ADGRL2: variants seen among roughly 807,000 people sequenced by gnomAD.
ADGRL2 encodes adhesion G protein-coupled receptor L2.
ADGRL2 carries 44 observed loss-of-function variants against 157.4 expected under a neutral mutation model. That is an observed-to-expected ratio of 0.28 (90% CI 0.22 to 0.36). The LOEUF (loss-of-function observed/expected upper bound fraction) is 0.36, where lower values mean the gene tolerates loss of function less well. ADGRL2 is among the 10% of genes least tolerant of loss of function. The pLI is 1.00. For synonymous variants in ADGRL2, 585 were observed against 624.7 expected (o/e 0.94, Z 0.95); for missense variants, 1,510 against 1,768.9 (o/e 0.85, Z 2.63).
intron 2 of ADGRL2, among the ~76,000 whole-genome samples, chr1:81,880,411 A>T (rs1005328894): frequency 6.6e-6 from 1 of 152,156 alleles, no homozygotes; most frequent in Non-Finnish European, 1.5e-5. Context: ...TAAGATATTG[A>T]TGCAGGTTAT....
chr1:81,544,121 C>G (rs2079956160), intron 2 of ADGRL2, among the ~76,000 whole-genome samples: 1 of 152,102 alleles, frequency 6.6e-6, no homozygotes. Flanking sequence ...CCACTTTTCC[C>G]TGGATCCACT....
intron 2 of ADGRL2, among the ~76,000 whole-genome samples, chr1:81,779,428 T>TA (rs1178260874): frequency 3.9e-5 from 6 of 151,966 alleles, no homozygotes; most frequent in Non-Finnish European, 8.8e-5. Flanking sequence ...GTCTTCAACT[T>TA]AAAAAAAATG....
chr1:81,780,440 G>A (rs1331703563), intron 2 of ADGRL2, among the ~76,000 whole-genome samples: 1 of 152,050 alleles, frequency 6.6e-6, no homozygotes, highest in Non-Finnish European at 1.5e-5. Context: ...ACCCTTAATG[G>A]TGAAAAATCT....
chr1:81,763,046 TAAAAAAAAAAAA>T (rs748864220), intron 2 of ADGRL2, among the ~76,000 whole-genome samples: 1 of 73,758 alleles, frequency 1.4e-5, no homozygotes, highest in East Asian at 3.9e-4. Flanking sequence ...AGACTCCGTC[TAAAAAAAAAAAA>T]AAAAAAAAAG....
chr1:81,457,076 C>T (rs2077823249), intron 2 of ADGRL2, among the ~76,000 whole-genome samples: 2 of 152,148 alleles, frequency 1.3e-5, no homozygotes, highest in Non-Finnish European at 2.9e-5. Flanking sequence ...CAATATGGTG[C>T]TAAATTCATT....
chr1:81,696,307 C>G (rs1476364017), upstream of ADGRL2, among the ~76,000 whole-genome samples: 1 of 151,950 alleles, frequency 6.6e-6, no homozygotes, highest in Non-Finnish European at 1.5e-5. Context: ...TCTAGTAACT[C>G]CCATCGCAAG....
intron 23 of ADGRL2, chr1:81,989,943 G>T: frequency 1.0e-6 from 1 of 985,180 alleles, no homozygotes; most frequent in Non-Finnish European, 1.2e-6. Context: ...GTTTTGTATT[G>T]TGACTTACTC....
At chr1:81,523,390 A>C (rs1270455465) in intron 2 of ADGRL2, among the ~76,000 whole-genome samples, 1 of 152,136 alleles carries the variant, frequency 6.6e-6, no homozygotes, top group Admixed American at 6.6e-5. Flanking sequence ...AAGCTTCAAT[A>C]ATTAAAGTAT....
In ADGRL2 at chr1:81,723,425, A is replaced by C. The variant is rs568321794; in HGVS notation, c.-143+23617A>C. 5.5e-4 allele frequency among the ~76,000 whole-genome samples: 84 copies of C among 152,362 alleles called. 1 individual carries two copies. Among genetic ancestry groups the C allele is most frequent in the African/African-American group, 2.0e-3 (83 of 41,592 alleles). On this transcript the variant is annotated intron_variant, in intron 1 of 20. Coordinates refer to the ADGRL2 transcript ENST00000359929. ...CTTTTTAAACCTTAAAAATATTTAA[A>C]ACAAATTTAAAGGGTCTGTTAATTC...
chr1:81,359,021 TTAAAAG>T (rs1264136174), intron 1 of ADGRL2, among the ~76,000 whole-genome samples: 3 of 151,910 alleles, frequency 2.0e-5, no homozygotes, highest in Admixed American at 1.3e-4. Flanking sequence ...AATAGTGTAT[TTAAAAG>T]TTCTGCTGTG....
intron 2 of ADGRL2, among the ~76,000 whole-genome samples, chr1:81,455,736 T>A (rs1025746968): frequency 6.6e-6 from 1 of 152,238 alleles, no homozygotes; most frequent in Non-Finnish European, 1.5e-5. Flanking sequence ...TACACATATA[T>A]GCTGTTCAGC....
chr1:81,442,908 T>G (rs1362291593), intron 1 of ADGRL2, among the ~76,000 whole-genome samples: 5 of 152,200 alleles, frequency 3.3e-5, no homozygotes, highest in Non-Finnish European at 7.3e-5. Flanking sequence ...TCACCCTGTT[T>G]CAATTCATGT....
chr1:81,892,913 A>G (rs956079948), intron 2 of ADGRL2, among the ~76,000 whole-genome samples: 1 of 152,184 alleles, frequency 6.6e-6, no homozygotes, highest in Non-Finnish European at 1.5e-5. Context: ...TTTGAATTCC[A>G]TTTGTAAAAC....
chr1:81,834,659 G>A (rs1401778145), intron 1 of ADGRL2, among the ~76,000 whole-genome samples: 1 of 151,984 alleles, frequency 6.6e-6, no homozygotes, highest in East Asian at 1.9e-4. Context: ...ATGTAAAAGC[G>A]ATTGGGCACA....
intron 2 of ADGRL2, among the ~76,000 whole-genome samples, chr1:81,561,485 G>C (rs1013952418): frequency 1.4e-5 from 2 of 147,964 alleles, no homozygotes; most frequent in African/African-American, 5.0e-5. Context: ...TTTTCAGAGG[G>C]AGTCTTGCTC....
intron 2 of ADGRL2, among the ~76,000 whole-genome samples, chr1:81,777,222 T>C (rs1367094532): frequency 1.3e-5 from 2 of 152,098 alleles, no homozygotes; most frequent in East Asian, 3.9e-4. Context: ...TATTCTCCAT[T>C]ATTCTATACA....
At chr1:81,556,859 C>G (rs557076082) in intron 2 of ADGRL2, among the ~76,000 whole-genome samples, 27 of 151,732 alleles carry the variant, frequency 1.8e-4, no homozygotes, top group Non-Finnish European at 2.5e-4. Context: ...GGGTGGATCA[C>G]GAGGTCAGGA....
intron 2 of ADGRL2, among the ~76,000 whole-genome samples, chr1:81,477,816 G>C (rs572130202): frequency 1.3e-5 from 2 of 152,298 alleles, no homozygotes; most frequent in Non-Finnish European, 2.9e-5. Flanking sequence ...TGATTCAGCT[G>C]CTTCAGGTCG....
chr1:81,769,313 T>G (rs972834479), intron 2 of ADGRL2, among the ~76,000 whole-genome samples: 16 of 152,188 alleles, frequency 1.1e-4, no homozygotes, highest in Non-Finnish European at 2.4e-4. Context: ...CATTCCCTTA[T>G]CTGTGTTTTA....
Sources: gnomAD v4.1 joint callset for allele counts (sites outside exome capture counted in the v4.1 genomes callset) on GRCh38, gnomAD v4.1.1 for gene constraint, MANE v1.5 for transcripts, NCBI Gene and HGNC (gene_info 2026-07-23, HGNC 2026-07-21) for gene names.